Variants in MAD1L1 observed in about 807,000 individuals in gnomAD.
MAD1L1 encodes the protein mitotic arrest deficient 1 like 1.
In MAD1L1, 95 loss-of-function variants were observed where a neutral mutation model predicts 96.9. The ratio of observed to expected loss-of-function variants is 0.98; its 90% CI spans 0.83 to 1.16. MAD1L1 has a LOEUF of 1.16. Ranked by LOEUF, MAD1L1 falls within the 50% of genes most tolerant of loss-of-function variation. The probability of loss-of-function intolerance (pLI) is 0.00; values close to 1 mark genes in which losing one functional copy is unlikely to be tolerated. For missense variants in MAD1L1, 1,007 were observed against 954.4 expected (o/e 1.06, Z -0.73); for synonymous variants, 473 against 396.6 (o/e 1.19, Z -2.29).
At chr7:1,871,463 C>G (rs1348598930) in intron 18 of MAD1L1, among the ~76,000 whole-genome samples, 1 of 143,806 alleles carries the variant, frequency 7.0e-6, no homozygotes, top group African/African-American at 2.6e-5. Flanking sequence ...CTGAACCCAA[C>G]ATATGCCTGC....
At chr7:2,207,738 G>A (rs948842461) in intron 10 of MAD1L1, among the ~76,000 whole-genome samples, 1 of 152,254 alleles carries the variant, frequency 6.6e-6, no homozygotes, top group African/African-American at 2.4e-5. Flanking sequence ...AACCCAAGGA[G>A]TGGGTAGCAG....
At chr7:1,870,342 C>T (rs984026678) in intron 18 of MAD1L1, among the ~76,000 whole-genome samples, 3 of 147,316 alleles carry the variant, frequency 2.0e-5, no homozygotes, top group South Asian at 4.4e-4. Context: ...GTGAACCTAC[C>T]GTAACACCTG....
chr7:2,003,182 C>G (rs1781882529), intron 13 of MAD1L1, among the ~76,000 whole-genome samples: 1 of 152,148 alleles, frequency 6.6e-6, no homozygotes, highest in South Asian at 2.1e-4. Flanking sequence ...GAGAGGCAGG[C>G]AGATGCCTGG....
chr7:2,154,803 A>T (rs1299214772), intron 10 of MAD1L1, among the ~76,000 whole-genome samples: 1 of 152,172 alleles, frequency 6.6e-6, no homozygotes, highest in East Asian at 1.9e-4. Context: ...GAGGCCACAA[A>T]GGAGGTCCCA....
intron 13 of MAD1L1, among the ~76,000 whole-genome samples, chr7:2,006,047 G>A (rs1782016872): frequency 1.3e-5 from 2 of 152,126 alleles, no homozygotes; most frequent in Admixed American, 6.5e-5. Context: ...AGGGAGGCAG[G>A]AGGGAGCTCA....
chr7:2,221,066 C>T (rs1793579906), intron 5 of MAD1L1: 4 of 1,596,472 alleles, frequency 2.5e-6, no homozygotes, highest in South Asian at 1.1e-5. Flanking sequence ...GCAGGGAGGG[C>T]TTCCCTGAGG....
At chr7:1,830,180 T>C (rs1476570920) in intron 18 of MAD1L1, among the ~76,000 whole-genome samples, 2 of 152,228 alleles carry the variant, frequency 1.3e-5, no homozygotes, top group Admixed American at 1.3e-4. Flanking sequence ...GAGGATCACC[T>C]GAGGTCAGGA....
rs563560245 is a variant in MAD1L1 at position 1,884,593 on chromosome 7, G to A, written c.1998+13607C>T. Among the ~76,000 whole-genome samples, 3 of 152,360 alleles carry A rather than the reference G, an allele frequency of 2.0e-5. No homozygotes were observed. The East Asian group carries it at 5.8e-4, about 29-fold the overall frequency. ...CCAATCACTGCCGAACTTTATTTCTGTTCCAAAATGTCACCAGGTCTAAGA... is the reference window on the plus strand; with the variant it reads ...CCAATCACTGCCGAACTTTATTTCTATTCCAAAATGTCACCAGGTCTAAGA... On this transcript the variant is annotated intron_variant, in intron 18 of 18. Coordinates refer to ENST00000265854, the MANE Select transcript of MAD1L1 (RefSeq NM_001013836.2).
intron 12 of MAD1L1, among the ~76,000 whole-genome samples, chr7:2,026,736 T>G (rs1783011520): frequency 6.6e-6 from 1 of 152,148 alleles, no homozygotes; most frequent in Admixed American, 6.5e-5. Context: ...ATAAATGACT[T>G]GAGCCCAATG....
intron 18 of MAD1L1, among the ~76,000 whole-genome samples, chr7:1,886,404 A>T (rs768425787): frequency 4.6e-5 from 7 of 152,252 alleles, no homozygotes; most frequent in Non-Finnish European, 1.0e-4. Context: ...GCTTCATCTG[A>T]GAGTGATAAA....
rs550301512 is a variant in MAD1L1, at chr7:2,191,281, G to C, written c.986+21931C>G. ...AGCCTGTTACCTCCACCTGCCACTA[G>C]GAAGTCGCAACAGGCAGCATGAGTC... On this transcript the variant is annotated intron_variant, in intron 10 of 18. Coordinates refer to ENST00000265854, the MANE Select transcript of MAD1L1 (RefSeq NM_001013836.2). Among the ~76,000 whole-genome samples the C allele has an allele frequency of 1.4e-4, 21 of 152,298 alleles. 1 individual carries two copies. The highest frequency in any genetic ancestry group is 2.4e-4 in the Non-Finnish European group (16 of 68,014).
intron 18 of MAD1L1, chr7:1,849,454 G>A (rs1024477968): frequency 6.6e-6 from 1 of 152,278 alleles, no homozygotes; most frequent in Non-Finnish European, 1.5e-5. Context: ...CTGGACCCCT[G>A]ATGGTCGGCC....
chr7:1,946,814 A>T lies in MAD1L1; in HGVS notation c.1597-9917T>A, dbSNP rs543687656. ...CGGTCTTGGAGGGGTCTGCACAGGGAGAGACAAGGCCCAGAGAGGGTGCGG... is the reference window on the plus strand; with the variant it reads ...CGGTCTTGGAGGGGTCTGCACAGGGTGAGACAAGGCCCAGAGAGGGTGCGG... On this transcript the variant is annotated intron_variant, in intron 16 of 18. Coordinates refer to ENST00000265854, the MANE Select transcript of MAD1L1 (RefSeq NM_001013836.2). 2.0e-5 allele frequency among the ~76,000 whole-genome samples: 3 copies of T among 152,350 alleles called. No individual in the cohort carries two copies. In the South Asian group the frequency reaches 6.2e-4, roughly 32 times the overall value.
rs1458608159 is a variant in MAD1L1, at chr7:1,816,235, G to A, written c.1999-7C>T. The A allele has an allele frequency of 1.2e-6, 2 of 1,610,958 alleles. No individual in the cohort carries two copies. Among genetic ancestry groups the A allele is most frequent in the East Asian group, 2.2e-5 (1 of 44,854 alleles). ...AACCCGAGGGGCTGGTGGCCTGCGG[G>A]GCAGTCAAGAAAGAGACAAGACAGC... On this transcript the variant is annotated splice_region_variant and splice_polypyrimidine_tract_variant and intron_variant, in intron 18 of 18. Coordinates refer to ENST00000265854, the MANE Select transcript of MAD1L1 (RefSeq NM_001013836.2).
intron 16 of MAD1L1, among the ~76,000 whole-genome samples, chr7:1,942,827 C>T (rs1779063104): frequency 6.6e-6 from 1 of 152,138 alleles, no homozygotes; most frequent in Non-Finnish European, 1.5e-5. Context: ...AGAGCCACCA[C>T]AGGCTTGCAA....
intron 14 of MAD1L1, among the ~76,000 whole-genome samples, chr7:1,999,946 TC>T (rs1015150234): frequency 3.3e-5 from 5 of 152,086 alleles, no homozygotes; most frequent in African/African-American, 9.7e-5. Flanking sequence ...TCATGGCTGC[TC>T]CCCAAGACTA....
At chr7:1,985,723 G>C (rs1488168430) in intron 14 of MAD1L1, among the ~76,000 whole-genome samples, 1 of 152,114 alleles carries the variant, frequency 6.6e-6, no homozygotes, top group Non-Finnish European at 1.5e-5. Flanking sequence ...TCTTGCTGCG[G>C]GTTCTTTAGG....
chr7:1,949,806 G>A (rs1295478142), intron 16 of MAD1L1, among the ~76,000 whole-genome samples: 1 of 152,252 alleles, frequency 6.6e-6, no homozygotes, highest in Non-Finnish European at 1.5e-5. Context: ...GCGGGGACTG[G>A]CACCCCGTGC....
intron 11 of MAD1L1, among the ~76,000 whole-genome samples, chr7:2,127,697 G>A (rs918510352): frequency 5.3e-5 from 8 of 152,200 alleles, no homozygotes; most frequent in Non-Finnish European, 1.0e-4. Context: ...GGAGGAACCC[G>A]CAGGAACCCA....
Sources: allele counts gnomAD v4.1 joint callset (sites outside exome capture counted in the v4.1 genomes callset), GRCh38; gene constraint gnomAD v4.1.1; transcripts MANE v1.5; gene names NCBI Gene and HGNC (gene_info 2026-07-23, HGNC 2026-07-21).